KCNQ1: variants seen among roughly 807,000 people sequenced by gnomAD.
KCNQ1 encodes potassium voltage-gated channel subfamily KQT member 1.
In KCNQ1, 49 loss-of-function variants were observed where a neutral mutation model predicts 72.4. The ratio of observed to expected loss-of-function variants is 0.68; its 90% confidence interval spans 0.54 to 0.86. The LOEUF (loss-of-function observed/expected upper bound fraction) is 0.86, where lower values mean the gene tolerates loss of function less well. KCNQ1 is among the 40% of genes least tolerant of loss of function. The pLI is 0.00. For synonymous variants in KCNQ1, 450 were observed against 412.6 expected, an observed-to-expected ratio of 1.09 and a Z score of -1.10; for missense variants, 790 against 945.1, an observed-to-expected ratio of 0.84 and a Z score of 2.15.
chr11:2,806,503 G>T (rs376029638), intron 15 of KCNQ1, among the ~76,000 whole-genome samples: 23 of 152,328 alleles, frequency 1.5e-4, no homozygotes, highest in African/African-American at 3.8e-4. Flanking sequence ...GCTGTGTAAC[G>T]CAGGCTTGCC....
At position 2,654,049 on chromosome 11, in the gene KCNQ1, G is replaced by T. The variant is rs1849798464; in HGVS notation, c.1394-7912G>T. On this transcript the variant is annotated intron_variant, in intron 10 of 15. Coordinates refer to ENST00000155840, the MANE Select transcript of KCNQ1 (RefSeq NM_000218.3). The surrounding 1 kb of genome is among the most constrained non-coding windows in gnomAD (Gnocchi z 6.4). ...ATTCCTCGCCTTGTTCCTGGCAGCT[G>T]TTGTGGGAATGGCTTTTACACTTTC... 1.3e-5 allele frequency: 5 copies of T among 398,620 alleles called. No homozygotes were observed. The highest frequency in any genetic ancestry group is 2.2e-5 in the Non-Finnish European group (5 of 226,128). 24.7% of individuals were successfully genotyped at this position (398,620 alleles called of 1,614,324 possible).
At chr11:2,770,012 G>A (rs917044872) in intron 12 of KCNQ1, among the ~76,000 whole-genome samples, 3 of 152,118 alleles carry the variant, frequency 2.0e-5, no homozygotes, top group African/African-American at 4.8e-5. Context: ...TCAAGAGGTC[G>A]TTGGGTCGGG....
rs1349389528 is a variant in KCNQ1 at position 2,486,520 on chromosome 11, T to C, written c.386+41036T>C. 1.3e-5 allele frequency among the ~76,000 whole-genome samples: 2 copies of C among 152,222 alleles called. No homozygotes were observed. The highest frequency in any genetic ancestry group is 2.9e-5 in the Non-Finnish European group (2 of 68,038). ...TCACGAAGTCCAAGTTGTCTACTTT[T>C]TGTTTTGTTGCCTGTGCCTTTGGTC... On this transcript the variant is annotated intron_variant, in intron 1 of 15. Transcript: ENST00000155840. This position sits in a 1 kb window ranked among gnomAD's most constrained non-coding sequence, Gnocchi z 5.0.
intron 15 of KCNQ1, among the ~76,000 whole-genome samples, chr11:2,822,562 C>A (rs1428691608): frequency 2.0e-5 from 3 of 152,314 alleles, no homozygotes; most frequent in African/African-American, 7.2e-5. Context: ...CAAGGAAGCT[C>A]CCTGTGAGCC....
At chr11:2,776,635 G>A (rs997486999) in intron 13 of KCNQ1, among the ~76,000 whole-genome samples, 9 of 152,310 alleles carry the variant, frequency 5.9e-5, no homozygotes, top group Non-Finnish European at 1.0e-4. Context: ...AACTAGCTCC[G>A]TGTGTTACAG....
Position 2,567,341 on chromosome 11 carries a change from C to T in KCNQ1, c.478-3287C>T, listed in dbSNP as rs1848262551. ...CCACCTGGGGTCTGGACTGCTGGAA[C>T]CAGGGGGAGGCAGGCCTGCCATTCT... On this transcript the variant is annotated intron_variant, in intron 2 of 15. Coordinates refer to ENST00000155840, the MANE Select transcript of KCNQ1 (RefSeq NM_000218.3). This position sits in a 1 kb window ranked among gnomAD's most constrained non-coding sequence, Gnocchi z 6.6. Among the ~76,000 whole-genome samples the T allele has an allele frequency of 6.6e-6, 1 of 152,068 alleles. No homozygotes were observed. Among genetic ancestry groups the T allele is most frequent in the Admixed American group, 6.5e-5 (1 of 15,268 alleles).
intron 10 of KCNQ1, chr11:2,656,614 T>C (rs1316856994): frequency 2.5e-6 from 1 of 398,676 alleles, no homozygotes; most frequent in East Asian, 3.6e-5. Context: ...TTGCCCATTT[T>C]CTATTAAGTC....
chr11:2,733,439 C>T lies in KCNQ1; in HGVS notation c.1515-35405C>T, dbSNP rs531685625. On this transcript the variant is annotated intron_variant, in intron 11 of 15. Transcript: ENST00000155840. ...GACAGGCTGGCCCAGGCCCTCCCCACGGCTTGGCTTCCCTGGGCGGTGTCA... is the reference window on the plus strand; with the variant it reads ...GACAGGCTGGCCCAGGCCCTCCCCATGGCTTGGCTTCCCTGGGCGGTGTCA... 1.6e-3 allele frequency among the ~76,000 whole-genome samples: 246 copies of T among 152,302 alleles called. 1 individual carries two copies. Among genetic ancestry groups the T allele is most frequent in the African/African-American group, 5.5e-3 (230 of 41,564 alleles).
At chr11:2,728,270 C>T (rs923968127) in intron 11 of KCNQ1, among the ~76,000 whole-genome samples, 162 of 152,312 alleles carry the variant, frequency 1.1e-3, no homozygotes, top group Middle Eastern at 3.4e-3. Flanking sequence ...CCTGGCACCT[C>T]GTAGGGTAAG....
At chr11:2,560,828 C>T (rs2133708683) in intron 2 of KCNQ1, among the ~76,000 whole-genome samples, 1 of 152,136 alleles carries the variant, frequency 6.6e-6, no homozygotes, top group East Asian at 1.9e-4. Flanking sequence ...GGGATGAGGA[C>T]AGACGTGGAG....
chr11:2,714,540 A>T (rs902145471), intron 11 of KCNQ1, among the ~76,000 whole-genome samples: 6 of 151,968 alleles, frequency 3.9e-5, no homozygotes, highest in African/African-American at 1.4e-4. Flanking sequence ...TGCTCTAGAT[A>T]GATGGAGGAG....
chr11:2,483,622 T>A lies in KCNQ1; in HGVS notation c.386+38138T>A, dbSNP rs1441495183. ...TTTAGATAAGTACTGGGCGGCTGTT[T>A]TGTAGAACGTCCCTCGGTTTGGATT... On this transcript the variant is annotated intron_variant, in intron 1 of 15. Coordinates refer to ENST00000155840, the MANE Select transcript of KCNQ1 (RefSeq NM_000218.3). The surrounding 1 kb of genome is among the most constrained non-coding windows in gnomAD (Gnocchi z 6.1). Among the ~76,000 whole-genome samples, 1 of 152,172 alleles carries A rather than the reference T, an allele frequency of 6.6e-6. No homozygotes were observed. The highest frequency in any genetic ancestry group is 2.4e-5 in the African/African-American group (1 of 41,450).
At chr11:2,733,047 C>CCTGGAGCCAGCCCCTTACCTT (rs1228656589) in intron 11 of KCNQ1, among the ~76,000 whole-genome samples, 1 of 152,160 alleles carries the variant, frequency 6.6e-6, no homozygotes, top group African/African-American at 2.4e-5. Flanking sequence ...CCATCCTCCA[C>CCTGGAGCCAGCCCCTTACCTT]CTGGAGCCAG....
At chr11:2,622,296 T>C in intron 10 of KCNQ1, 1 of 398,366 alleles carries the variant, frequency 2.5e-6, no homozygotes, top group Non-Finnish European at 4.4e-6. Context: ...TCTCAGTATG[T>C]AATGTCCTCC....
chr11:2,823,409 A>G (rs1013463224), intron 15 of KCNQ1, among the ~76,000 whole-genome samples: 1 of 152,266 alleles, frequency 6.6e-6, no homozygotes, highest in Non-Finnish European at 1.5e-5. Context: ...GGAAAAAAGT[A>G]TAGAATTTGC....
rs74934380 is a variant in KCNQ1, at chr11:2,619,424, G to A, written c.1393+30570G>A. 723 of 398,592 alleles carry A rather than the reference G, an allele frequency of 1.8e-3. 14 individuals are homozygous for A. In the East Asian group the frequency reaches 0.025, roughly 14 times the overall value. 24.7% of individuals were successfully genotyped at this position (398,592 alleles called of 1,614,324 possible). On this transcript the variant is annotated intron_variant, in intron 10 of 15. Coordinates refer to ENST00000155840, the MANE Select transcript of KCNQ1 (RefSeq NM_000218.3). The stretch of plus-strand genomic sequence containing the variant: ...CAAATACTTTTTGTGTGTCAATTGA[G>A]ATGATCATGTGGTTTTCATCTTTCA...
intron 2 of KCNQ1, among the ~76,000 whole-genome samples, chr11:2,542,339 G>T (rs959778421): frequency 7.2e-5 from 11 of 152,248 alleles, no homozygotes; most frequent in Non-Finnish European, 1.5e-4. Context: ...AGGGGAAGCC[G>T]GTGTAAGGGG....
intron 7 of KCNQ1, among the ~76,000 whole-genome samples, chr11:2,583,810 G>C (rs761536568): frequency 2.6e-4 from 40 of 152,196 alleles, no homozygotes; most frequent in Non-Finnish European, 4.3e-4. Flanking sequence ...TGTGGGGCAG[G>C]CCTGCTCACT....
In KCNQ1 at chr11:2,677,443, G is replaced by A; in HGVS notation, c.1514+15362G>A. ...GACAGCAGGGGAGATGATAATTGAT[G>A]CAGGTGGCCTCTTGGTCAAGCAGTG... On this transcript the variant is annotated intron_variant, in intron 11 of 15. Transcript: ENST00000155840. This position sits in a 1 kb window ranked among gnomAD's most constrained non-coding sequence, Gnocchi z 4.5. The A allele has an allele frequency of 2.5e-6, 1 of 398,532 alleles. No individual in the cohort carries two copies. Among genetic ancestry groups the A allele is most frequent in the Non-Finnish European group, 4.4e-6 (1 of 226,038 alleles). The allele number at this position is 398,532 out of a possible 1,614,324, so 24.7% of individuals were successfully genotyped here.
Sources: allele counts gnomAD v4.1 joint callset (sites outside exome capture counted in the v4.1 genomes callset), GRCh38; gene constraint gnomAD v4.1.1; non-coding constraint Gnocchi (gnomAD v3.1); transcripts MANE v1.5; gene names NCBI Gene and HGNC (gene_info 2026-07-23, HGNC 2026-07-21).